Variants in ABLIM1 observed in about 807,000 individuals in gnomAD.
ABLIM1 encodes the protein actin binding LIM protein 1.
In ABLIM1, 40 loss-of-function variants were observed where a neutral mutation model predicts 107.0. The observed-to-expected ratio is 0.37, with a 90% CI of 0.29 to 0.49. ABLIM1 has a LOEUF of 0.49. Ranked by LOEUF, ABLIM1 falls within the 20% of genes least tolerant of loss-of-function variation. The pLI is 0.97. For missense variants in ABLIM1, 857 were observed against 1,008.5 expected (o/e 0.85, Z 2.04); for synonymous variants, 357 against 357.3 (o/e 1.00, Z 0.01).
intron 7 of ABLIM1, among the ~76,000 whole-genome samples, chr10:114,490,804 G>A (rs1456623064): frequency 6.7e-6 from 1 of 150,232 alleles, no homozygotes; most frequent in African/African-American, 2.4e-5. Flanking sequence ...ATATATATAT[G>A]TATGCTTATT....
intron 1 of ABLIM1, among the ~76,000 whole-genome samples, chr10:114,718,801 A>G (rs952610472): frequency 1.3e-5 from 2 of 152,228 alleles, no homozygotes; most frequent in Non-Finnish European, 2.9e-5. Flanking sequence ...TAAATTCCAC[A>G]ACAACAACAA....
intron 6 of ABLIM1, among the ~76,000 whole-genome samples, chr10:114,504,905 T>C (rs1185074834): frequency 2.0e-5 from 3 of 152,162 alleles, no homozygotes; most frequent in Non-Finnish European, 4.4e-5. Context: ...ATAAGAGAAA[T>C]GTTAATTCTT....
At chr10:114,749,477 C>CACACACACACACACAA (rs1175437270) in intron 1 of ABLIM1, among the ~76,000 whole-genome samples, 12 of 151,718 alleles carry the variant, frequency 7.9e-5, no homozygotes, top group African/African-American at 2.7e-4. Flanking sequence ...CACACACACA[C>CACACACACACACACAA]ACACACACCA....
the ABLIM1 span, among the ~76,000 whole-genome samples, chr10:114,791,874 A>G: frequency 1.3e-5 from 2 of 152,244 alleles, no homozygotes; most frequent in African/African-American, 4.8e-5. Flanking sequence ...CTTTCATTGC[A>G]GTATGCCTTA....
chr10:114,508,804 T>C (rs538191077), intron 6 of ABLIM1, among the ~76,000 whole-genome samples: 1 of 152,238 alleles, frequency 6.6e-6, no homozygotes, highest in Non-Finnish European at 1.5e-5. Context: ...AAATACTGCA[T>C]TGACAGAGTG....
chr10:114,693,826 CTTTT>C (rs5788078), intron 1 of ABLIM1, among the ~76,000 whole-genome samples: 1 of 134,056 alleles, frequency 7.5e-6, no homozygotes, highest in Admixed American at 7.5e-5. Flanking sequence ...TTTAAAAAAA[CTTTT>C]TTTTTTTTTT....
At chr10:114,766,190 G>T (rs1164236948) in intron 1 of ABLIM1, among the ~76,000 whole-genome samples, 1 of 152,176 alleles carries the variant, frequency 6.6e-6, no homozygotes, top group African/African-American at 2.4e-5. Flanking sequence ...ACTTGATTGA[G>T]TCATTGTGAG....
At chr10:114,718,086 G>GAAGT in intron 1 of ABLIM1, among the ~76,000 whole-genome samples, 1 of 89,530 alleles carries the variant, frequency 1.1e-5, no homozygotes, top group Non-Finnish European at 2.8e-5. Flanking sequence ...AGGAAGGAAG[G>GAAGT]AAGGAAGGAA....
At chr10:114,703,447 G>T (rs1174100253) in intron 1 of ABLIM1, among the ~76,000 whole-genome samples, 2 of 152,182 alleles carry the variant, frequency 1.3e-5, no homozygotes, top group African/African-American at 4.8e-5. Context: ...TTTAGTAGAG[G>T]TGAAGCAAAT....
chr10:114,471,135 C>T (rs758914323), intron 10 of ABLIM1, among the ~76,000 whole-genome samples: 24 of 152,198 alleles, frequency 1.6e-4, no homozygotes, highest in Admixed American at 1.2e-3. Flanking sequence ...GCAATCCACC[C>T]ACCTTGGCCT....
intron 2 of ABLIM1, chr10:114,594,864 G>A (rs1307448236): frequency 6.6e-6 from 1 of 152,204 alleles, no homozygotes; most frequent in African/African-American, 2.4e-5. Flanking sequence ...CATTGTTCTA[G>A]GCACTGGGTT....
chr10:114,775,847 T>C, the ABLIM1 span: 1 of 152,228 alleles, frequency 6.6e-6, no homozygotes, highest in Non-Finnish European at 1.5e-5. Context: ...TAATACAAAT[T>C]ATGTTCCTAA....
intron 6 of ABLIM1, among the ~76,000 whole-genome samples, chr10:114,492,334 AG>A (rs1239716580): frequency 6.6e-6 from 1 of 152,190 alleles, no homozygotes; most frequent in Admixed American, 6.5e-5. Context: ...AATGGCATCA[AG>A]GTGAGAAAAG....
At chr10:114,549,751 T>C (rs1332761516) in intron 4 of ABLIM1, among the ~76,000 whole-genome samples, 2 of 152,184 alleles carry the variant, frequency 1.3e-5, no homozygotes, top group East Asian at 3.8e-4. Context: ...AATTATAGTA[T>C]AGTTGATAAT....
intron 1 of ABLIM1, among the ~76,000 whole-genome samples, chr10:114,725,406 T>G (rs1161918660): frequency 1.3e-5 from 2 of 152,144 alleles, no homozygotes; most frequent in Non-Finnish European, 2.9e-5. Flanking sequence ...ATCTATACAA[T>G]AAATTCATAT....
At chr10:114,597,954 A>T (rs1021892314) in intron 2 of ABLIM1, among the ~76,000 whole-genome samples, 1 of 152,180 alleles carries the variant, frequency 6.6e-6, no homozygotes, top group East Asian at 1.9e-4. Context: ...CACTAACCAC[A>T]TGTGGCTACT....
chr10:114,773,723 AAAAC>A, the ABLIM1 span, among the ~76,000 whole-genome samples: 8 of 152,204 alleles, frequency 5.3e-5, no homozygotes, highest in African/African-American at 1.4e-4. Context: ...CTCCGTCTCA[AAAAC>A]AAACAAACAA....
chr10:114,692,385 G>A (rs558440442), intron 1 of ABLIM1, among the ~76,000 whole-genome samples: 2 of 152,264 alleles, frequency 1.3e-5, no homozygotes, highest in African/African-American at 2.4e-5. Flanking sequence ...AGATTATTGC[G>A]TCAGCAAAGG....
At chr10:114,555,752 A>T (rs896991106) in intron 4 of ABLIM1, among the ~76,000 whole-genome samples, 1 of 152,206 alleles carries the variant, frequency 6.6e-6, no homozygotes, top group Non-Finnish European at 1.5e-5. Context: ...AAAAATTTTT[A>T]AATAAAACAT....
Sources: allele counts gnomAD v4.1 joint callset (sites outside exome capture counted in the v4.1 genomes callset), GRCh38; gene constraint gnomAD v4.1.1; transcripts MANE v1.5; gene names NCBI Gene and HGNC (gene_info 2026-07-23, HGNC 2026-07-21).